SH3BGRL2: variants seen among roughly 807,000 people sequenced by gnomAD.
The protein encoded by SH3BGRL2 is SH3 domain-binding glutamic acid-rich-like protein 2.
Under a neutral mutation model 14.8 loss-of-function variants are expected in SH3BGRL2, and 21 were observed. The ratio of observed to expected loss-of-function variants is 1.42; its 90% confidence interval spans 1.01 to 2.05. The LOEUF is 2.05. Ranked by LOEUF, SH3BGRL2 falls within the 30% of genes most tolerant of loss-of-function variation. The probability of loss-of-function intolerance (pLI) is 0.00; values close to 1 mark genes in which losing one functional copy is unlikely to be tolerated. For synonymous variants in SH3BGRL2, 50 were observed against 47.8 expected (o/e 1.05, Z -0.19); for missense variants, 147 against 130.8 (o/e 1.12, Z -0.61).
chr6:79,579,139 T>C, the SH3BGRL2 span, among the ~76,000 whole-genome samples: 6 of 152,106 alleles, frequency 3.9e-5, no homozygotes, highest in African/African-American at 1.2e-4. Context: ...CCAAGAAATA[T>C]GGGACTATGT....
At chr6:79,603,833 C>A in the SH3BGRL2 span, among the ~76,000 whole-genome samples, 3 of 152,178 alleles carry the variant, frequency 2.0e-5, no homozygotes, top group Non-Finnish European at 2.9e-5. Flanking sequence ...GAGACAGAAT[C>A]TTGCTCTGTT....
intron 1 of SH3BGRL2, among the ~76,000 whole-genome samples, chr6:79,661,833 T>C (rs933099442): frequency 6.6e-6 from 1 of 152,236 alleles, no homozygotes; most frequent in Admixed American, 6.5e-5. Flanking sequence ...GATGCATATA[T>C]ATTTAGGATA....
the SH3BGRL2 span, among the ~76,000 whole-genome samples, chr6:79,596,382 ACTC>A: frequency 1.8e-5 from 2 of 112,420 alleles, no homozygotes; most frequent in African/African-American, 6.9e-5. Flanking sequence ...CTGGTCTTGA[ACTC>A]CTGGGCTCAA....
the SH3BGRL2 span, among the ~76,000 whole-genome samples, chr6:79,569,253 A>G: frequency 1.3e-5 from 2 of 152,204 alleles, no homozygotes; most frequent in African/African-American, 4.8e-5. Flanking sequence ...CCTGGAATGA[A>G]TAGAAGGGAG....
At chr6:79,576,506 G>C in the SH3BGRL2 span, among the ~76,000 whole-genome samples, 2 of 151,808 alleles carry the variant, frequency 1.3e-5, no homozygotes, top group African/African-American at 4.8e-5. Context: ...CTTTTTTGTT[G>C]CTGTTGAAAA....
intron 3 of SH3BGRL2, among the ~76,000 whole-genome samples, chr6:79,699,237 A>T (rs1277002110): frequency 6.6e-6 from 1 of 152,152 alleles, no homozygotes; most frequent in Non-Finnish European, 1.5e-5. Context: ...AGTACCTCTG[A>T]GAGGAATCTC....
chr6:79,603,261 A>G, the SH3BGRL2 span, among the ~76,000 whole-genome samples: 1 of 152,204 alleles, frequency 6.6e-6, no homozygotes, highest in Non-Finnish European at 1.5e-5. Context: ...CTCCAGGAGA[A>G]GCTTTCTAAG....
In SH3BGRL2 at chr6:79,631,488, T is replaced by C. The variant is rs551934106; in HGVS notation, c.27T>C (p.Ser9=). Residue 9 remains serine (S), a synonymous_variant, in exon 1 of 4, where the codon TCT becomes TCC. Transcript: ENST00000369838. Reference sequence around the variant, plus strand: ...TGGTCATCCGCGTGTTCATCGCCTCTTCCTCGGGCTTCGTGGCGGTGAGCG... The same window carrying C: ...TGGTCATCCGCGTGTTCATCGCCTCCTCCTCGGGCTTCGTGGCGGTGAGCG... MVIRVFIA[S]SSGFVAIKKK... is the part of the protein sequence containing the mutation. The C allele has an allele frequency of 1.3e-6, 2 of 1,492,726 alleles. No individual in the cohort carries two copies. The highest frequency in any genetic ancestry group is 2.7e-5 in the South Asian group (2 of 74,690). The allele number at this position is 1,492,726 out of a possible 1,614,324, so 92.5% of individuals were successfully genotyped here.
At chr6:79,557,558 A>G in the SH3BGRL2 span, among the ~76,000 whole-genome samples, 1 of 152,202 alleles carries the variant, frequency 6.6e-6, no homozygotes, top group African/African-American at 2.4e-5. Flanking sequence ...TAATAGAGAA[A>G]TGAAGAAACT....
intron 1 of SH3BGRL2, among the ~76,000 whole-genome samples, chr6:79,669,789 A>G (rs531576994): frequency 1.3e-5 from 2 of 152,296 alleles, no homozygotes; most frequent in South Asian, 4.1e-4. Context: ...ACAAATACAT[A>G]GTATCTACAG....
intron 1 of SH3BGRL2, among the ~76,000 whole-genome samples, chr6:79,644,423 A>T (rs915728500): frequency 8.5e-5 from 13 of 152,176 alleles, no homozygotes; most frequent in Non-Finnish European, 1.3e-4. Flanking sequence ...TGGTCAATGA[A>T]GCTGCTGTTT....
chr6:79,695,667 G>A, intron 2 of SH3BGRL2, among the ~76,000 whole-genome samples: 1 of 152,202 alleles, frequency 6.6e-6, no homozygotes, highest in East Asian at 1.9e-4. Flanking sequence ...TAACCCGGCA[G>A]GCTGTGGTGA....
At chr6:79,554,797 A>G in the SH3BGRL2 span, among the ~76,000 whole-genome samples, 1 of 152,190 alleles carries the variant, frequency 6.6e-6, no homozygotes, top group Non-Finnish European at 1.5e-5. Flanking sequence ...AATGGAAAAT[A>G]TAATGATTAC....
chr6:79,582,880 T>C, the SH3BGRL2 span, among the ~76,000 whole-genome samples: 1 of 152,152 alleles, frequency 6.6e-6, no homozygotes. Flanking sequence ...TTTTGCAATC[T>C]ACCCATCTGA....
chr6:79,636,426 G>T (rs1768923903), intron 1 of SH3BGRL2, among the ~76,000 whole-genome samples: 1 of 152,158 alleles, frequency 6.6e-6, no homozygotes, highest in Admixed American at 6.5e-5. Flanking sequence ...AGAGGAGGTT[G>T]TGGAGTGAGG....
At chr6:79,590,424 G>GATATATATATATATAT in the SH3BGRL2 span, among the ~76,000 whole-genome samples, 108 of 66,644 alleles carry the variant, frequency 1.6e-3, 2 homozygotes, top group East Asian at 2.1e-3. Context: ...AAGAAAATGT[G>GATATATATATATATAT]ATATATATAT....
intron 2 of SH3BGRL2, among the ~76,000 whole-genome samples, chr6:79,677,294 T>G (rs1275425394): frequency 6.6e-6 from 1 of 152,198 alleles, no homozygotes; most frequent in East Asian, 1.9e-4. Context: ...ATTATTATTG[T>G]AACCTGGGTG....
At chr6:79,604,083 G>A in the SH3BGRL2 span, among the ~76,000 whole-genome samples, 1 of 152,192 alleles carries the variant, frequency 6.6e-6, no homozygotes, top group Non-Finnish European at 1.5e-5. Flanking sequence ...GGGATTACAG[G>A]CGTGAGCCAC....
At chr6:79,656,648 A>G (rs1012680568) in intron 1 of SH3BGRL2, among the ~76,000 whole-genome samples, 1 of 152,238 alleles carries the variant, frequency 6.6e-6, no homozygotes, top group African/African-American at 2.4e-5. Flanking sequence ...TTAAAAAACA[A>G]TAAAGGGTAA....
Sources: gnomAD v4.1 joint callset for allele counts (sites outside exome capture counted in the v4.1 genomes callset) on GRCh38, gnomAD v4.1.1 for gene constraint, MANE v1.5 for transcripts, NCBI Gene and HGNC (gene_info 2026-07-23, HGNC 2026-07-21) for gene names.